The following PXK variants were observed in gnomAD, a reference collection of about 807,000 sequenced individuals.
The protein encoded by PXK is PX domain containing serine/threonine kinase like, also known as PX domain-containing protein kinase-like protein.
Under a neutral mutation model 84.7 loss-of-function variants are expected in PXK, and 35 were observed. The ratio of observed to expected loss-of-function variants is 0.41; its 90% CI spans 0.32 to 0.55. PXK has a LOEUF of 0.55. Ranked by LOEUF, PXK falls within the 20% of genes least tolerant of loss-of-function variation. The probability of loss-of-function intolerance (pLI) is 0.21; values close to 1 mark genes in which losing one functional copy is unlikely to be tolerated. For missense variants in PXK, 634 were observed against 699.7 expected, an observed-to-expected ratio of 0.91 and a Z score of 1.06; for synonymous variants, 253 against 260.8, an observed-to-expected ratio of 0.97 and a Z score of 0.29.
In PXK at chr3:58,400,846, G is replaced by A. The variant is rs566489191; in HGVS notation, c.1181+1469G>A. On this transcript the variant is annotated intron_variant, in intron 12 of 17. Coordinates refer to ENST00000356151, the MANE Select transcript of PXK (RefSeq NM_017771.5). This position sits in a 1 kb window ranked among gnomAD's most constrained non-coding sequence, Gnocchi z 4.0. ...CAGAAGAATCACTTGAACTGGGGAG[G>A]CAGAGGTTGCAGTGAGCCAAGATCT... 1.3e-5 allele frequency among the ~76,000 whole-genome samples: 2 copies of A among 152,258 alleles called. No homozygotes were observed. The highest frequency in any genetic ancestry group is 1.9e-4 in the East Asian group (1 of 5,168).
chr3:58,339,232 T>G lies in PXK; in HGVS notation c.102+6142T>G, dbSNP rs904075802. The stretch of plus-strand genomic sequence containing the variant: ...TTTTGTGGGGGGTTTTTTTTTGTTT[T>G]TTTTTGTTTTTTTTTTTAGACGTAG... On this transcript the variant is annotated intron_variant, in intron 1 of 17. Transcript: ENST00000356151. 1.4e-4 allele frequency among the ~76,000 whole-genome samples: 21 copies of G among 148,952 alleles called. 1 individual carries two copies. The highest frequency in any genetic ancestry group is 5.4e-4 in the African/African-American group (21 of 39,120).
At chr3:58,395,889 A>G (rs937164578) in intron 9 of PXK, 130 bp downstream of exon 9, 2 of 669,772 alleles carry the variant, frequency 3.0e-6, no homozygotes, top group Non-Finnish European at 4.8e-6. Flanking sequence ...TTGCATTGTC[A>G]TATTTTGCCT....
chr3:58,364,172 T>C lies in PXK; in HGVS notation c.103-1702T>C, dbSNP rs1422203158. ...TGGTAAGGATTTTTGAGCCTATGTT[T>C]GTGAATGGTATTGATCTATAGTTCT... is the stretch of plus-strand genomic sequence containing the variant. On this transcript the variant is annotated intron_variant, in intron 1 of 17. Coordinates refer to ENST00000356151, the MANE Select transcript of PXK (RefSeq NM_017771.5). This position sits in a 1 kb window ranked among gnomAD's most constrained non-coding sequence, Gnocchi z 4.3. 6.6e-6 allele frequency among the ~76,000 whole-genome samples: 1 copy of C among 152,236 alleles called. No individual in the cohort carries two copies. Among genetic ancestry groups the C allele is most frequent in the Non-Finnish European group, 1.5e-5 (1 of 68,036 alleles).
chr3:58,346,679 AAC>A (rs1299184598), intron 1 of PXK, among the ~76,000 whole-genome samples: 1 of 151,374 alleles, frequency 6.6e-6, no homozygotes, highest in Non-Finnish European at 1.5e-5. Context: ...TTTTTTTTGA[AAC>A]AGAGTCTCAC....
intron 9 of PXK, 47 bp from the exon 10 acceptor site, chr3:58,396,992 T>C (rs371967211): frequency 1.3e-6 from 2 of 1,566,338 alleles, no homozygotes; most frequent in Non-Finnish European, 1.7e-6. Context: ...TTGTCTTATA[T>C]CTGAATGAGT....
At position 58,378,494 on chromosome 3, in the gene PXK, T is replaced by TCTTC. The variant is rs796377733; in HGVS notation, c.202-4020_202-4019insCTTC. Among the ~76,000 whole-genome samples the TCTTC allele has an allele frequency of 1.9e-3, 62 of 33,472 alleles. 3 individuals carry two copies. The highest frequency in any genetic ancestry group is 5.6e-3 in the African/African-American group (57 of 10,160). The allele number at this position is 33,472 out of a possible 152,430, so 22.0% of individuals were successfully genotyped here. On this transcript the variant is annotated intron_variant, in intron 3 of 17. Coordinates refer to ENST00000356151, the MANE Select transcript of PXK (RefSeq NM_017771.5). ...TGGATTTGGACTTCATTTTTCTTCT[T>TCTTC]TTTTTTTTTTTTTTTTTTTGTGTGT...
chr3:58,333,439 C>T lies in PXK; in HGVS notation c.102+349C>T, dbSNP rs2097532173. 2.3e-6 allele frequency: 1 copy of T among 429,782 alleles called. No homozygotes were observed. The highest frequency in any genetic ancestry group is 4.7e-6 in the Non-Finnish European group (1 of 212,112). The allele number at this position is 429,782 out of a possible 1,614,324, so 26.6% of individuals were successfully genotyped here. ...GACTAGGGGAGCAGGAACGAGACCG[C>T]TCAGGACCATCCACTTCTGCCCGCC... On this transcript the variant is annotated intron_variant, in intron 1 of 17. Coordinates refer to ENST00000356151, the MANE Select transcript of PXK (RefSeq NM_017771.5). This position sits in a 1 kb window ranked among gnomAD's most constrained non-coding sequence, Gnocchi z 5.4.
At chr3:58,373,083 C>CTT (rs71091374) in intron 3 of PXK, among the ~76,000 whole-genome samples, 32,261 of 139,122 alleles carry the variant, frequency 0.23, 5,355 homozygotes, top group East Asian at 0.8. Flanking sequence ...TCCGTCATTT[C>CTT]TTTTTTTTTT....
intron 1 of PXK, among the ~76,000 whole-genome samples, chr3:58,341,470 C>T (rs1317341085): frequency 6.6e-6 from 1 of 151,984 alleles, no homozygotes; most frequent in Non-Finnish European, 1.5e-5. Context: ...GCTGAGGCAG[C>T]AGAATTGCTT....
intron 9 of PXK, among the ~76,000 whole-genome samples, chr3:58,396,123 A>G (rs963234566): frequency 6.6e-6 from 1 of 152,212 alleles, no homozygotes; most frequent in Non-Finnish European, 1.5e-5. Flanking sequence ...ACCAACAGTG[A>G]GAAGGCTTTC....
chr3:58,347,784 G>A (rs2097849572), intron 1 of PXK, among the ~76,000 whole-genome samples: 1 of 152,146 alleles, frequency 6.6e-6, no homozygotes, highest in South Asian at 2.1e-4. Context: ...ATAAGAAATT[G>A]CCAAACTTTT....
At position 58,397,243 on chromosome 3, in the gene PXK, G is replaced by A; in HGVS notation, c.984+43G>A. 6.3e-7 allele frequency: 1 copy of A among 1,589,072 alleles called. No individual in the cohort carries two copies. The highest frequency in any genetic ancestry group is 8.6e-7 in the Non-Finnish European group (1 of 1,159,372). ...TGAAATAGCAGGTTCATTTTTAGGT[G>A]TCAGTTATCCCCATGATCTGCCCAT... On this transcript the variant is annotated intron_variant, in intron 10 of 17. Coordinates refer to ENST00000356151, the MANE Select transcript of PXK (RefSeq NM_017771.5). The surrounding 1 kb of genome is among the most constrained non-coding windows in gnomAD (Gnocchi z 4.7).
Position 58,408,800 on chromosome 3 carries a change from G to T in PXK, c.1231-124G>T. The T allele has an allele frequency of 4.2e-6, 3 of 708,142 alleles. No homozygotes were observed. In the African/African-American group the frequency reaches 5.4e-5, roughly 13 times the overall value. 43.9% of individuals were successfully genotyped at this position (708,142 alleles called of 1,614,324 possible). Reference sequence around the variant, plus strand: ...GCCTCTCAAAGTCCTGGGATTACAGGCATGAGCCACCGCGCCCGGCCGAAA... The same window carrying T: ...GCCTCTCAAAGTCCTGGGATTACAGTCATGAGCCACCGCGCCCGGCCGAAA... On this transcript the variant is annotated intron_variant, in intron 13 of 17. Coordinates refer to ENST00000356151, the MANE Select transcript of PXK (RefSeq NM_017771.5).
In PXK at chr3:58,361,247, G is replaced by T. The variant is rs142469374; in HGVS notation, c.103-4627G>T. ...GGAGGCGGAGGTTGTAGTGAGCTGA[G>T]ATTGTACCACTGCACTCCAGCCTGG... On this transcript the variant is annotated intron_variant, in intron 1 of 17. Transcript: ENST00000356151. Among the ~76,000 whole-genome samples the T allele has an allele frequency of 1.0e-4, 14 of 137,562 alleles. No individual in the cohort carries two copies. In the East Asian group the frequency reaches 3.1e-3, roughly 30 times the overall value. The allele number at this position is 137,562 out of a possible 152,430, so 90.2% of individuals were successfully genotyped here. A position where few individuals can be genotyped will look rare whatever the true frequency, so the allele number is the denominator to read the frequency against.
At chr3:58,389,589 G>A (rs1266121539) in intron 4 of PXK, among the ~76,000 whole-genome samples, 5 of 152,168 alleles carry the variant, frequency 3.3e-5, no homozygotes, top group East Asian at 1.9e-4. Flanking sequence ...TTGGGAGGTC[G>A]AGATGGGCGG....
Position 58,332,956 on chromosome 3 carries a change from C to A in PXK, c.-33C>A. 1 of 1,312,842 alleles carries A rather than the reference C, an allele frequency of 7.6e-7. No homozygotes were observed. The highest frequency in any genetic ancestry group is 9.9e-7 in the Non-Finnish European group (1 of 1,010,032). The allele number at this position is 1,312,842 out of a possible 1,614,324, so 81.3% of individuals were successfully genotyped here. On this transcript the variant is annotated 5_prime_UTR_variant, in exon 1 of 18. Transcript: ENST00000356151. The surrounding 1 kb of genome is among the most constrained non-coding windows in gnomAD (Gnocchi z 5.6). The stretch of plus-strand genomic sequence containing the variant: ...GTCGGCGCCTCGGGTTCCTACCTCG[C>A]GTCCCTAGGCGGCGGCGGCCGGGCG...
Position 58,421,328 on chromosome 3 carries a change from T to C in PXK, c.1529-3424T>C. 2 of 983,998 alleles carry C rather than the reference T, an allele frequency of 2.0e-6. No homozygotes were observed. Among genetic ancestry groups the C allele is most frequent in the African/African-American group, 1.7e-5 (1 of 57,194 alleles). The allele number at this position is 983,998 out of a possible 1,614,324, so 61.0% of individuals were successfully genotyped here. On this transcript the variant is annotated intron_variant, in intron 17 of 17. Transcript: ENST00000356151. This position sits in a 1 kb window ranked among gnomAD's most constrained non-coding sequence, Gnocchi z 5.5. ...CAGGCGCAGTGGCTCACATCTATAA[T>C]CTCAGCACTTTGGGAGGCTGAGGCG...
At chr3:58,372,767 C>T (rs2098394841) in intron 3 of PXK, among the ~76,000 whole-genome samples, 1 of 151,848 alleles carries the variant, frequency 6.6e-6, no homozygotes, top group Non-Finnish European at 1.5e-5. Flanking sequence ...GCTGAGATTA[C>T]AGGCACGTGC....
chr3:58,356,778 A>G (rs111928432), intron 1 of PXK, among the ~76,000 whole-genome samples: 3,766 of 150,902 alleles, frequency 0.025, 154 homozygotes, highest in African/African-American at 0.087. Flanking sequence ...TAATTTTTGT[A>G]TTTTTAGTAG....
Sources: gnomAD v4.1 joint callset for allele counts (sites outside exome capture counted in the v4.1 genomes callset) on GRCh38, gnomAD v4.1.1 for gene constraint, Gnocchi (gnomAD v3.1) non-coding constraint, MANE v1.5 for transcripts, NCBI Gene and HGNC (gene_info 2026-07-23, HGNC 2026-07-21) for gene names.